Variants in TSBP1 observed in about 807,000 individuals in gnomAD.
TSBP1 encodes the protein testis-expressed basic protein 1.
In TSBP1, 56 loss-of-function variants were observed where a neutral mutation model predicts 68.8. The ratio of observed to expected loss-of-function variants is 0.81; its 90% CI spans 0.66 to 1.02. The LOEUF (loss-of-function observed/expected upper bound fraction) is 1.02. Among genes scored for constraint, TSBP1 ranks in the 50% least tolerant of loss-of-function variants. The pLI is 0.00. For missense variants in TSBP1, 502 were observed against 641.2 expected, an observed-to-expected ratio of 0.78 and a Z score of 2.34; for synonymous variants, 171 against 208.7, an observed-to-expected ratio of 0.82 and a Z score of 1.56.
chr6:32,305,267 A>G (rs1364657957), intron 19 of TSBP1, among the ~76,000 whole-genome samples: 1 of 152,188 alleles, frequency 6.6e-6, no homozygotes, highest in Non-Finnish European at 1.5e-5. Flanking sequence ...AAGGAACTCC[A>G]TATTTAGCAG....
intron 16 of TSBP1, among the ~76,000 whole-genome samples, chr6:32,327,161 A>C (rs1768313484): frequency 6.6e-6 from 1 of 152,216 alleles, no homozygotes; most frequent in Non-Finnish European, 1.5e-5. Flanking sequence ...TAGAGGAATA[A>C]GCAAAAGAAA....
chr6:32,342,157 C>T (rs1454997061), intron 9 of TSBP1, among the ~76,000 whole-genome samples: 1 of 150,220 alleles, frequency 6.7e-6, no homozygotes, highest in East Asian at 2.0e-4. Context: ...CAGCTTCCCT[C>T]ACTTCTCTGT....
intron 19 of TSBP1, among the ~76,000 whole-genome samples, chr6:32,310,592 A>G (rs1332164391): frequency 1.3e-5 from 2 of 150,860 alleles, no homozygotes; most frequent in Non-Finnish European, 3.0e-5. Flanking sequence ...GATTAATAAT[A>G]TTTAAATATT....
intron 6 of TSBP1, among the ~76,000 whole-genome samples, chr6:32,355,881 A>G (rs866291948): frequency 3.9e-5 from 6 of 152,336 alleles, no homozygotes; most frequent in African/African-American, 1.4e-4. Context: ...TAGTGAGAAG[A>G]AATAATAAAC....
chr6:32,345,427 C>T (rs766344695), intron 9 of TSBP1, among the ~76,000 whole-genome samples: 2 of 151,872 alleles, frequency 1.3e-5, no homozygotes, highest in African/African-American at 2.4e-5. Flanking sequence ...AGAAAGGGGA[C>T]CCTTGATTAG....
At chr6:32,331,874 C>A in intron 15 of TSBP1, 160 bp downstream of exon 16, 1 of 626,552 alleles carries the variant, frequency 1.6e-6, no homozygotes. Context: ...TTAACCCTCG[C>A]CTTCCCTCCA....
At chr6:32,346,823 G>A (rs1254823350) in intron 9 of TSBP1, among the ~76,000 whole-genome samples, 1 of 150,450 alleles carries the variant, frequency 6.6e-6, no homozygotes, top group Non-Finnish European at 1.5e-5. Flanking sequence ...GTAACGGAGT[G>A]AGATTCTATC....
intron 9 of TSBP1, among the ~76,000 whole-genome samples, chr6:32,347,826 G>A (rs960445522): frequency 1.3e-5 from 2 of 152,064 alleles, no homozygotes; most frequent in African/African-American, 4.8e-5. Flanking sequence ...CAGGAACTTG[G>A]TGTTCTTTCT....
At chr6:32,367,233 G>C (rs1773843067) in intron 4 of TSBP1, among the ~76,000 whole-genome samples, 1 of 136,728 alleles carries the variant, frequency 7.3e-6, no homozygotes, top group African/African-American at 2.7e-5. Flanking sequence ...AAGAGAGAAA[G>C]AGGGAAGGAA....
intron 18 of TSBP1, among the ~76,000 whole-genome samples, chr6:32,317,805 A>G (rs907093068): frequency 6.6e-6 from 1 of 152,180 alleles, no homozygotes; most frequent in Non-Finnish European, 1.5e-5. Context: ...TCAGAAAATA[A>G]CAGATACTGG....
Position 32,336,395 on chromosome 6 carries a change from T to C in TSBP1, c.430+220A>G, listed in dbSNP as rs141925847. Among the ~76,000 whole-genome samples the C allele has an allele frequency of 1.0e-3, 155 of 152,296 alleles. No individual in the cohort carries two copies. The highest frequency in any genetic ancestry group is 3.6e-3 in the African/African-American group (149 of 41,554). On this transcript the variant is annotated intron_variant, in intron 12 of 22. Coordinates refer to ENST00000612031, the Ensembl canonical transcript of TSBP1. This position sits in a 1 kb window ranked among gnomAD's most constrained non-coding sequence, Gnocchi z 5.2. ...CATGGCCTCTTTGGAAACTATGTAA[T>C]AGGAATGCCAGGGGAGTTGAGAAAG...
exon 1 of TSBP1, chr6:32,371,719 G>C (rs763797368): frequency 1.2e-6 from 2 of 1,613,662 alleles, no homozygotes; most frequent in African/African-American, 2.7e-5. Context: ...TCCATGTATT[G>C]TCTTCATCAG....
In TSBP1 at chr6:32,293,553, C is replaced by T; in HGVS notation, c.1120G>A (p.Gly374Ser). The change falls in exon 23 of 23, where the codon GGT becomes AGT. Residue 374 changes from glycine (G) to serine (S), a missense_variant. Gly to Ser is a moderately conservative substitution (Grantham distance 56). Transcript: ENST00000612031. The stretch of plus-strand genomic sequence containing the variant: ...TGGGATTCCTGTCTTCTTGGCACAC[C>T]CATCTCACTCTTCTCTACCTGGGCT... 1 of 1,612,392 alleles carries T rather than the reference C, an allele frequency of 6.2e-7. No individual in the cohort carries two copies. Among genetic ancestry groups the T allele is most frequent in the South Asian group, 1.1e-5 (1 of 91,034 alleles).
At chr6:32,367,791 T>A in intron 4 of TSBP1, 134 bp downstream of exon 4, 2 of 546,502 alleles carry the variant, frequency 3.7e-6, no homozygotes, top group Non-Finnish European at 6.2e-6. Flanking sequence ...AAGAGAGGAG[T>A]GATAAGCATT....
At position 32,335,457 on chromosome 6, in the gene TSBP1, T is replaced by C. The variant is rs764061479; in HGVS notation, c.452A>G (p.Lys151Arg). ...CTTACCAATGGTTTTTTGAGAGAGC[T>C]CTAAAAAAAAAAGAGAAAAGAAATC... Residue 151 changes from lysine (K) to arginine (R), a missense_variant and splice_region_variant, in exon 14 of 23, where the codon AAG becomes AGG. Transcript: ENST00000612031. This position sits in a 1 kb window ranked among gnomAD's most constrained non-coding sequence, Gnocchi z 5.5. The C allele has an allele frequency of 1.3e-5, 19 of 1,477,378 alleles. No individual in the cohort carries two copies. The highest frequency in any genetic ancestry group is 1.4e-5 in the Non-Finnish European group (16 of 1,111,676). The allele number at this position is 1,477,378 out of a possible 1,614,324, so 91.5% of individuals were successfully genotyped here.
intron 16 of TSBP1, chr6:32,324,512 T>C: frequency 9.7e-7 from 1 of 1,031,000 alleles, no homozygotes; most frequent in Non-Finnish European, 1.5e-6. Context: ...TCATGAATAA[T>C]GCAGAGAGGT....
chr6:32,354,210 G>A (rs41292458), intron 8 of TSBP1, among the ~76,000 whole-genome samples: 9,560 of 151,742 alleles, frequency 0.063, 410 homozygotes, highest in Middle Eastern at 0.18. Context: ...TATAAAAGTT[G>A]ATCTTTCATA....
At chr6:32,369,742 T>A (rs1774178504) in intron 2 of TSBP1, among the ~76,000 whole-genome samples, 155 bp downstream of exon 2, 1 of 152,172 alleles carries the variant, frequency 6.6e-6, no homozygotes, top group South Asian at 2.1e-4. Flanking sequence ...CACTAATAGG[T>A]CAGAGATTCT....
At chr6:32,368,961 C>A in intron 2 of TSBP1, 147 bp from the exon 3 acceptor site, 1 of 947,240 alleles carries the variant, frequency 1.1e-6, no homozygotes, top group Non-Finnish European at 1.5e-6. Context: ...ACCCATTTTC[C>A]ACATCTCCCA....
Sources: gnomAD v4.1 joint callset for allele counts (sites outside exome capture counted in the v4.1 genomes callset) on GRCh38, gnomAD v4.1.1 for gene constraint, Gnocchi (gnomAD v3.1) non-coding constraint, MANE v1.5 for transcripts, NCBI Gene and HGNC (gene_info 2026-07-23, HGNC 2026-07-21) for gene names.